The following THSD7A variants were observed in gnomAD, a reference collection of about 807,000 sequenced individuals.
The protein encoded by THSD7A is thrombospondin type-1 domain-containing protein 7A.
In THSD7A, 96 loss-of-function variants were observed where a neutral mutation model predicts 231.3. The ratio of observed to expected loss-of-function variants is 0.41; its 90% CI spans 0.35 to 0.49. The LOEUF is 0.49. Ranked by LOEUF, THSD7A falls within the 20% of genes least tolerant of loss-of-function variation. The pLI, the probability that THSD7A is intolerant of heterozygous loss-of-function variation, is 0.05. For missense variants in THSD7A, 2,290 were observed against 2,070.2 expected (o/e 1.11, Z -2.06); for synonymous variants, 940 against 743.3 (o/e 1.26, Z -4.30).
At chr7:11,769,645 C>T (rs1783160997) in intron 1 of THSD7A, among the ~76,000 whole-genome samples, 1 of 152,002 alleles carries the variant, frequency 6.6e-6, no homozygotes, top group African/African-American at 2.4e-5. Context: ...GTAATTTTGT[C>T]TCACCTGATT....
intron 6 of THSD7A, among the ~76,000 whole-genome samples, chr7:11,484,874 A>ATTTTTTTGTTTTTT (rs1786585635): frequency 1.9e-5 from 1 of 53,796 alleles, no homozygotes; most frequent in African/African-American, 7.5e-5. Flanking sequence ...CACAACCTTA[A>ATTTTTTTGTTTTTT]TTTTTTTTTT....
chr7:11,799,479 TA>T (rs1379063824), intron 1 of THSD7A, among the ~76,000 whole-genome samples: 3 of 152,220 alleles, frequency 2.0e-5, no homozygotes, highest in Non-Finnish European at 4.4e-5. Context: ...AATGCTCATT[TA>T]ATAAACCTAT....
chr7:11,388,378 C>T (rs961914885), intron 23 of THSD7A, among the ~76,000 whole-genome samples: 8 of 149,422 alleles, frequency 5.4e-5, no homozygotes, highest in Admixed American at 2.7e-4. Context: ...TAGAACTTGT[C>T]GTCTATTCAG....
intron 4 of THSD7A, among the ~76,000 whole-genome samples, chr7:11,561,404 T>G (rs1398460737): frequency 3.3e-5 from 5 of 152,158 alleles, no homozygotes; most frequent in African/African-American, 1.2e-4. Context: ...GAAACTAAAT[T>G]TTCCTTCTGC....
At position 11,831,728 on chromosome 7, in the gene THSD7A, TG is replaced by T; in HGVS notation, c.190+28del. 7.3e-7 allele frequency: 1 copy of T among 1,373,944 alleles called. No homozygotes were observed. Among genetic ancestry groups the T allele is most frequent in the Non-Finnish European group, 9.5e-7 (1 of 1,055,914 alleles). The allele number at this position is 1,373,944 out of a possible 1,614,324, so 85.1% of individuals were successfully genotyped here. On this transcript the variant is annotated intron_variant, in intron 1 of 27. Transcript: ENST00000423059. The surrounding 1 kb of genome is among the most constrained non-coding windows in gnomAD (Gnocchi z 5.0). ...CTTAATGTGGCCCCAGATGTGAAGA[TG>T]GGGAAAGGGTAACTCCGTCCCACTT...
chr7:11,477,109 CAA>C (rs1203126161), intron 7 of THSD7A, among the ~76,000 whole-genome samples: 1 of 152,162 alleles, frequency 6.6e-6, no homozygotes, highest in Non-Finnish European at 1.5e-5. Flanking sequence ...AGACTGCATT[CAA>C]GTTTGCCAAC....
intron 17 of THSD7A, among the ~76,000 whole-genome samples, chr7:11,413,254 C>CTAA (rs554433502): frequency 1.3e-5 from 2 of 151,924 alleles, no homozygotes; most frequent in Non-Finnish European, 2.9e-5. Context: ...ATAAACAATT[C>CTAA]TAATTCTAAA....
chr7:11,557,166 T>C (rs1041483563), intron 4 of THSD7A, among the ~76,000 whole-genome samples: 2 of 152,186 alleles, frequency 1.3e-5, no homozygotes, highest in Middle Eastern at 3.4e-3. Context: ...TTCCCTCATA[T>C]TTTTTTCTGT....
intron 6 of THSD7A, 74 bp downstream of exon 6, chr7:11,541,345 G>T: frequency 7.1e-7 from 1 of 1,412,356 alleles, no homozygotes; most frequent in Non-Finnish European, 9.9e-7. Flanking sequence ...GAAGACACAG[G>T]ATTTTAACAG....
At chr7:11,643,071 T>C (rs1255096408) in intron 1 of THSD7A, among the ~76,000 whole-genome samples, 1 of 152,062 alleles carries the variant, frequency 6.6e-6, no homozygotes, top group East Asian at 1.9e-4. Context: ...AAAAGGAGCA[T>C]GAGAAATTAT....
At chr7:11,470,709 AAC>A (rs1340601204) in intron 8 of THSD7A, among the ~76,000 whole-genome samples, 2 of 151,802 alleles carry the variant, frequency 1.3e-5, no homozygotes, top group Non-Finnish European at 2.9e-5. Context: ...TTGAAACAAA[AAC>A]AGTGAAGATA....
chr7:11,793,582 GA>G (rs1178315137), intron 1 of THSD7A, among the ~76,000 whole-genome samples: 3 of 151,504 alleles, frequency 2.0e-5, no homozygotes, highest in Admixed American at 6.6e-5. Context: ...GTTTTAAAAT[GA>G]AAAAAATGAA....
chr7:11,744,856 G>C (rs1159502692), intron 1 of THSD7A, among the ~76,000 whole-genome samples: 1 of 152,018 alleles, frequency 6.6e-6, no homozygotes, highest in African/African-American at 2.4e-5. Context: ...TGGACATTTG[G>C]CTTGGTTCCA....
intron 1 of THSD7A, among the ~76,000 whole-genome samples, chr7:11,660,931 A>T (rs1782906586): frequency 6.6e-6 from 1 of 151,614 alleles, no homozygotes; most frequent in East Asian, 1.9e-4. Context: ...AAGGACTCGA[A>T]GAGCCAAGAT....
At chr7:11,820,366 C>T in intron 1 of THSD7A, 1 of 1,202,644 alleles carries the variant, frequency 8.3e-7, no homozygotes, top group Non-Finnish European at 1.1e-6. Context: ...GTTCTCTGTC[C>T]CACTCTTGTC....
chr7:11,633,227 A>C (rs2128358748), intron 2 of THSD7A, among the ~76,000 whole-genome samples: 1 of 152,124 alleles, frequency 6.6e-6, no homozygotes, highest in East Asian at 1.9e-4. Flanking sequence ...GTATACTTTC[A>C]TACCATCTCT....
At chr7:11,408,340 A>G (rs554680472) in intron 19 of THSD7A, among the ~76,000 whole-genome samples, 2 of 152,148 alleles carry the variant, frequency 1.3e-5, no homozygotes, top group East Asian at 3.9e-4. Context: ...ACTAAAAAAA[A>G]TATAAAAATT....
intron 23 of THSD7A, among the ~76,000 whole-genome samples, chr7:11,401,279 G>A (rs773468507): frequency 1.8e-4 from 27 of 151,998 alleles, no homozygotes; most frequent in Non-Finnish European, 3.1e-4. Context: ...TCATAAAACC[G>A]GGAAACATTT....
At chr7:11,820,445 A>T in intron 1 of THSD7A, 2 of 1,315,160 alleles carry the variant, frequency 1.5e-6, no homozygotes, top group South Asian at 3.3e-5. Flanking sequence ...CTTGATTTCC[A>T]GAACATGAAC....
Sources: allele counts gnomAD v4.1 joint callset (sites outside exome capture counted in the v4.1 genomes callset), GRCh38; gene constraint gnomAD v4.1.1; non-coding constraint Gnocchi (gnomAD v3.1); transcripts MANE v1.5; gene names NCBI Gene and HGNC (gene_info 2026-07-23, HGNC 2026-07-21).